EPHA10: variants seen among roughly 807,000 people sequenced by gnomAD.
EPHA10 encodes EPH receptor A10.
In EPHA10, 120 loss-of-function variants were observed where a neutral mutation model predicts 109.7. The ratio of observed to expected loss-of-function variants is 1.09; its 90% CI spans 0.94 to 1.27. EPHA10 has a LOEUF of 1.27. Among genes scored for constraint, EPHA10 ranks in the 50% most tolerant of loss-of-function variants. EPHA10 has a pLI of 0.00. For synonymous variants in EPHA10, 640 were observed against 618.9 expected (o/e 1.03, Z -0.51); for missense variants, 1,396 against 1,411.1 (o/e 0.99, Z 0.17).
At chr1:37,730,886 T>C (rs956962986) in intron 7 of EPHA10, among the ~76,000 whole-genome samples, 1 of 151,920 alleles carries the variant, frequency 6.6e-6, no homozygotes, top group African/African-American at 2.4e-5. Context: ...GAGAAGGAGT[T>C]TCACCATGTT....
At position 37,723,388 on chromosome 1, in the gene EPHA10, G is replaced by A. The variant is rs751599128; in HGVS notation, c.1773-16C>T. ...GCTGCAGGGCCTGGCAGGGAGTTCA[G>A]GGTCATTCTTTCAGCCAGGCCACCC... On this transcript the variant is annotated splice_polypyrimidine_tract_variant and intron_variant, in intron 8 of 16. Transcript: ENST00000373048. The A allele has an allele frequency of 8.1e-6, 13 of 1,613,684 alleles. No individual in the cohort carries two copies. Among genetic ancestry groups the A allele is most frequent in the Middle Eastern group, 1.7e-4 (1 of 6,058 alleles).
chr1:37,728,467 G>A (rs1645930351), intron 7 of EPHA10, among the ~76,000 whole-genome samples: 1 of 152,156 alleles, frequency 6.6e-6, no homozygotes, highest in Admixed American at 6.5e-5. Context: ...GTACTAAGTG[G>A]CCCTGAAGAC....
At chr1:37,745,575 A>G (rs1232636894) in intron 5 of EPHA10, among the ~76,000 whole-genome samples, 1 of 152,206 alleles carries the variant, frequency 6.6e-6, no homozygotes, top group Non-Finnish European at 1.5e-5. Context: ...CAAGCCAGGC[A>G]TGGTGGCTCA....
At chr1:37,745,058 A>G (rs2148351196) in intron 5 of EPHA10, among the ~76,000 whole-genome samples, 1 of 152,336 alleles carries the variant, frequency 6.6e-6, no homozygotes, top group South Asian at 2.1e-4. Flanking sequence ...CAGGAAACAT[A>G]AGAAGCTGAA....
intron 5 of EPHA10, among the ~76,000 whole-genome samples, chr1:37,737,745 C>T (rs561717575): frequency 7.9e-5 from 12 of 152,194 alleles, no homozygotes; most frequent in Admixed American, 3.9e-4. Flanking sequence ...GCAGCAAAAA[C>T]GAAAATAGAC....
chr1:37,756,287 G>T (rs191243065), intron 3 of EPHA10, among the ~76,000 whole-genome samples: 2 of 152,314 alleles, frequency 1.3e-5, no homozygotes, highest in East Asian at 1.9e-4. Flanking sequence ...CCACTGTTGT[G>T]AAATAGGAGA....
chr1:37,716,420 G>A lies in EPHA10; in HGVS notation c.*1952C>T. The A allele has an allele frequency of 4.3e-6, 1 of 234,684 alleles. No homozygotes were observed. Among genetic ancestry groups the A allele is most frequent in the East Asian group, 6.0e-5 (1 of 16,532 alleles). 14.5% of individuals were successfully genotyped at this position (234,684 alleles called of 1,614,324 possible). Reference sequence around the variant, plus strand: ...TGCTGGTCCAGGCTTCCCAGGAGGGGTGGGGAAGGCGGATCCTGGAGGGCA... The same window carrying A: ...TGCTGGTCCAGGCTTCCCAGGAGGGATGGGGAAGGCGGATCCTGGAGGGCA... On this transcript the variant is annotated 3_prime_UTR_variant, in exon 17 of 17. Transcript: ENST00000373048.
At chr1:37,760,564 G>T (rs2148370229) in intron 3 of EPHA10, 2 of 517,638 alleles carry the variant, frequency 3.9e-6, no homozygotes, top group East Asian at 6.2e-5. Flanking sequence ...GCAAGTATTT[G>T]GTCCGTGACT....
Position 37,752,176 on chromosome 1 carries a change from C to T in EPHA10, c.1357+700G>A, listed in dbSNP as rs59793411. Among the ~76,000 whole-genome samples, 636 of 152,168 alleles carry T rather than the reference C, an allele frequency of 4.2e-3. 2 individuals are homozygous for T. Among genetic ancestry groups the T allele is most frequent in the African/African-American group, 0.014 (587 of 41,522 alleles). ...TTGAAGGTCCACCCCAGCTGAGAAGCGAATCAAAAGAAACTCTCAGGAATG... is the reference window on the plus strand; with the variant it reads ...TTGAAGGTCCACCCCAGCTGAGAAGTGAATCAAAAGAAACTCTCAGGAATG... On this transcript the variant is annotated intron_variant, in intron 5 of 16. Coordinates refer to ENST00000373048, the MANE Select transcript of EPHA10 (RefSeq NM_001099439.2).
chr1:37,718,383 C>A lies in EPHA10; in HGVS notation c.3016G>T (p.Val1006Leu), dbSNP rs78757428. 3.7e-6 allele frequency: 6 copies of A among 1,609,284 alleles called. No individual in the cohort carries two copies. Among genetic ancestry groups the A allele is most frequent in the Middle Eastern group, 3.3e-4 (2 of 6,028 alleles). Residue 1006 changes from valine to leucine, a missense_variant, in exon 17 of 17, where the codon GTG (valine) becomes TTG (leucine). Coordinates refer to ENST00000373048, the MANE Select transcript of EPHA10 (RefSeq NM_001099439.2). ...AGAATGGGGTCCACTCACACCTGCA[C>A]CCCCTGGCCCTGCAGCTGGAGCACT... ...ARVLQLQGQGVQV is the reference protein window; with the variant it reads ...ARVLQLQGQGLQV
At chr1:37,715,893 C>G, downstream of EPHA10, 1 of 561,826 alleles carries the variant, frequency 1.8e-6, no homozygotes, top group Non-Finnish European at 3.5e-6. Flanking sequence ...TTCTGGACAC[C>G]CCTGTCCTCG....
In EPHA10 at chr1:37,723,066, G is replaced by A. The variant is rs373773502; in HGVS notation, c.1935C>T (p.Val645=). The change falls in exon 10 of 17, where the codon GTC becomes GTT. Residue 645 remains valine (V), a synonymous_variant. Coordinates refer to ENST00000373048, the MANE Select transcript of EPHA10 (RefSeq NM_001099439.2). ...LFAKELDAKS[V]TLERSLGGGR... is the part of the protein sequence containing the mutation. ...CTCCTCCAAGGCTCCTCTCCAGCGT[G>A]ACGCTTTTCGCATCCAGTTCCTTGG... 7.4e-6 allele frequency: 12 copies of A among 1,614,082 alleles called. No homozygotes were observed. In the African/African-American group the frequency reaches 1.3e-4, roughly 18 times the overall value.
intron 6 of EPHA10, among the ~76,000 whole-genome samples, chr1:37,734,352 G>A (rs1186654157): frequency 2.6e-5 from 4 of 152,074 alleles, no homozygotes; most frequent in Non-Finnish European, 4.4e-5. Flanking sequence ...TGGCCAACAC[G>A]ATGAAACCTC....
chr1:37,726,820 G>C (rs989010971), intron 8 of EPHA10, among the ~76,000 whole-genome samples: 1 of 152,246 alleles, frequency 6.6e-6, no homozygotes, highest in Admixed American at 6.5e-5. Flanking sequence ...GGAGCAGCCG[G>C]AGCTTGATTC....
chr1:37,746,101 C>CTT (rs111763214), intron 5 of EPHA10, among the ~76,000 whole-genome samples: 39,782 of 127,150 alleles, frequency 0.31, 6,512 homozygotes, highest in Middle Eastern at 0.45. Context: ...CTTTTCTTTT[C>CTT]TTTTTTTTTT....
intron 16 of EPHA10, 85 bp downstream of exon 16, chr1:37,718,576 A>G: frequency 1.9e-6 from 3 of 1,611,620 alleles, no homozygotes; most frequent in Non-Finnish European, 2.5e-6. Flanking sequence ...GCTTCTCTGG[A>G]CAGGTTGGGA....
chr1:37,727,762 G>A (rs1000357428), intron 7 of EPHA10, among the ~76,000 whole-genome samples: 8 of 152,162 alleles, frequency 5.3e-5, no homozygotes, highest in African/African-American at 1.4e-4. Flanking sequence ...AAGATCACAT[G>A]GCTAAAAAGT....
rs1244620002 is a variant in EPHA10 at position 37,718,733 on chromosome 1, A to G, written c.2840T>C (p.Leu947Pro). 9.3e-6 allele frequency: 15 copies of G among 1,613,040 alleles called. No individual in the cohort carries two copies. The highest frequency in any genetic ancestry group is 1.3e-5 in the Non-Finnish European group (15 of 1,180,002). ...CGCGAAGCTGTCCTTGTAGCGGCAC[A>G]GGTCCAGGGCCTCCAGCCACGCGCC... ...SVGAWLEALD[L>P]CRYKDSFAAA... Residue 947 changes from leucine (L) to proline (P), a missense_variant, in exon 16 of 17, where the codon CTG becomes CCG. Coordinates refer to ENST00000373048, the MANE Select transcript of EPHA10 (RefSeq NM_001099439.2).
intron 8 of EPHA10, among the ~76,000 whole-genome samples, chr1:37,726,364 C>A (rs529082964): frequency 6.6e-6 from 1 of 152,348 alleles, no homozygotes; most frequent in East Asian, 1.9e-4. Context: ...CAAGGCCAAG[C>A]AAATTAGCCA....
Sources: allele counts gnomAD v4.1 joint callset (sites outside exome capture counted in the v4.1 genomes callset), GRCh38; gene constraint gnomAD v4.1.1; transcripts MANE v1.5; gene names NCBI Gene and HGNC (gene_info 2026-07-23, HGNC 2026-07-21).